CACNA2D3: variants seen among roughly 807,000 people sequenced by gnomAD.
CACNA2D3 encodes voltage-dependent calcium channel subunit alpha-2/delta-3.
Under a neutral mutation model 160.6 loss-of-function variants are expected in CACNA2D3, and 60 were observed. That is an observed-to-expected ratio of 0.37 (90% CI 0.30 to 0.46). The LOEUF (loss-of-function observed/expected upper bound fraction) is 0.46, where lower values mean the gene tolerates loss of function less well. Among genes scored for constraint, CACNA2D3 ranks in the 20% least tolerant of loss-of-function variants. CACNA2D3 has a pLI of 1.00. For synonymous variants in CACNA2D3, 558 were observed against 492.9 expected (o/e 1.13, Z -1.75); for missense variants, 1,205 against 1,365.0 (o/e 0.88, Z 1.85).
chr3:54,414,266 T>G (rs1348975839), intron 4 of CACNA2D3, among the ~76,000 whole-genome samples: 1 of 152,026 alleles, frequency 6.6e-6, no homozygotes, highest in Non-Finnish European at 1.5e-5. Flanking sequence ...AAGAGAAAAA[T>G]GCATTTCTGT....
chr3:54,338,458 C>T (rs1704440037), intron 3 of CACNA2D3, among the ~76,000 whole-genome samples: 1 of 133,134 alleles, frequency 7.5e-6, no homozygotes, highest in Admixed American at 7.9e-5. Flanking sequence ...CTCTCTTCAT[C>T]TCCCCTCCCT....
chr3:54,475,785 T>A (rs1700818058), intron 4 of CACNA2D3, among the ~76,000 whole-genome samples: 1 of 129,754 alleles, frequency 7.7e-6, no homozygotes, highest in African/African-American at 2.8e-5. Flanking sequence ...AAATAACATA[T>A]CCATCTTCTC....
intron 11 of CACNA2D3, among the ~76,000 whole-genome samples, chr3:54,726,745 C>T (rs1285715828): frequency 3.9e-5 from 6 of 152,194 alleles, no homozygotes; most frequent in Non-Finnish European, 8.8e-5. Context: ...CTCCCTTACA[C>T]CTTATACAAA....
intron 4 of CACNA2D3, among the ~76,000 whole-genome samples, chr3:54,463,649 G>T (rs1443127351): frequency 6.6e-6 from 1 of 152,016 alleles, no homozygotes; most frequent in Non-Finnish European, 1.5e-5. Context: ...TTCTCTATTG[G>T]TTATTCTAGT....
chr3:54,148,699 G>A (rs543505218), intron 2 of CACNA2D3, among the ~76,000 whole-genome samples: 1 of 152,306 alleles, frequency 6.6e-6, no homozygotes, highest in South Asian at 2.1e-4. Context: ...AGCTCGGGCC[G>A]GGTGCGGTGG....
At chr3:54,192,283 G>A (rs1353297961) in intron 2 of CACNA2D3, among the ~76,000 whole-genome samples, 1 of 152,084 alleles carries the variant, frequency 6.6e-6, no homozygotes, top group Non-Finnish European at 1.5e-5. Flanking sequence ...TATCACTGTG[G>A]AGAGTTTATG....
chr3:54,449,781 A>T (rs1030664971), intron 4 of CACNA2D3, among the ~76,000 whole-genome samples: 1 of 152,178 alleles, frequency 6.6e-6, no homozygotes, highest in Non-Finnish European at 1.5e-5. Context: ...AGGCCTCTCC[A>T]GAAGCAGAAG....
At chr3:54,716,298 GAA>G (rs1343620062) in intron 11 of CACNA2D3, among the ~76,000 whole-genome samples, 2 of 152,082 alleles carry the variant, frequency 1.3e-5, no homozygotes, top group Non-Finnish European at 2.9e-5. Flanking sequence ...ATACACCCAG[GAA>G]AAAGAGACAC....
At chr3:54,262,336 G>A (rs1056028348) in intron 2 of CACNA2D3, among the ~76,000 whole-genome samples, 1 of 152,132 alleles carries the variant, frequency 6.6e-6, no homozygotes, top group Non-Finnish European at 1.5e-5. Flanking sequence ...CAACATTGAG[G>A]CACAGAGAGT....
At chr3:54,168,715 C>T (rs1357711358) in intron 2 of CACNA2D3, among the ~76,000 whole-genome samples, 2 of 152,144 alleles carry the variant, frequency 1.3e-5, no homozygotes, top group African/African-American at 4.8e-5. Context: ...TTTGTTTATG[C>T]AAATGAATTA....
In CACNA2D3 at chr3:54,776,950, A is replaced by ATATTTGGG. The variant is rs1440492727; in HGVS notation, c.1380+12602_1380+12609dup. 2.0e-5 allele frequency among the ~76,000 whole-genome samples: 3 copies of ATATTTGGG among 152,294 alleles called. No homozygotes were observed. In the East Asian group the frequency reaches 5.8e-4, roughly 29 times the overall value. On this transcript the variant is annotated intron_variant, in intron 13 of 37. Transcript: ENST00000474759. ...GCTTTTCCCCCACTTCATGGCCCAG[A>ATATTTGGG]TATTTGGGTAACTTAACTTCTCAGA...
At chr3:54,764,904 G>A (rs940510725) in intron 13 of CACNA2D3, among the ~76,000 whole-genome samples, 3 of 152,174 alleles carry the variant, frequency 2.0e-5, no homozygotes, top group Admixed American at 6.5e-5. Flanking sequence ...ATTCTAAACA[G>A]CAGATTCTGA....
chr3:54,712,072 C>T (rs2106965595), intron 11 of CACNA2D3, among the ~76,000 whole-genome samples: 1 of 152,332 alleles, frequency 6.6e-6, no homozygotes, highest in Admixed American at 6.5e-5. Context: ...AAAATTCTAA[C>T]TCTACAACTT....
At chr3:54,948,005 G>A (rs892409872) in intron 27 of CACNA2D3, among the ~76,000 whole-genome samples, 12 of 152,204 alleles carry the variant, frequency 7.9e-5, no homozygotes, top group African/African-American at 2.9e-4. Flanking sequence ...AGATGGGGGA[G>A]ATTCCAGGAA....
At chr3:54,181,199 T>C (rs1700775473) in intron 2 of CACNA2D3, among the ~76,000 whole-genome samples, 1 of 152,178 alleles carries the variant, frequency 6.6e-6, no homozygotes, top group Admixed American at 6.5e-5. Context: ...ATTTATTATA[T>C]AAGGAGGCAC....
intron 4 of CACNA2D3, among the ~76,000 whole-genome samples, chr3:54,484,800 A>T (rs1275263607): frequency 6.6e-6 from 1 of 152,036 alleles, no homozygotes; most frequent in Non-Finnish European, 1.5e-5. Flanking sequence ...GTTGTGAATT[A>T]TGAGAGTATG....
At chr3:54,783,373 A>G (rs2107133578) in intron 13 of CACNA2D3, among the ~76,000 whole-genome samples, 1 of 152,320 alleles carries the variant, frequency 6.6e-6, no homozygotes, top group East Asian at 1.9e-4. Context: ...TGGGAGGCCA[A>G]GGCAGGCAGA....
At chr3:54,464,496 G>A (rs1161180025) in intron 4 of CACNA2D3, among the ~76,000 whole-genome samples, 1 of 152,220 alleles carries the variant, frequency 6.6e-6, no homozygotes, top group African/African-American at 2.4e-5. Flanking sequence ...CCCTCCCCCA[G>A]CCTCGCTGCC....
At chr3:54,801,382 A>G (rs936183373) in intron 13 of CACNA2D3, among the ~76,000 whole-genome samples, 1 of 152,124 alleles carries the variant, frequency 6.6e-6, no homozygotes, top group African/African-American at 2.4e-5. Context: ...ACTTGGGACA[A>G]CTTTTCTTGA....
Sources: gnomAD v4.1 joint callset for allele counts (sites outside exome capture counted in the v4.1 genomes callset) on GRCh38, gnomAD v4.1.1 for gene constraint, MANE v1.5 for transcripts, NCBI Gene and HGNC (gene_info 2026-07-23, HGNC 2026-07-21) for gene names.